Variants in BCKDHB observed in about 807,000 individuals in gnomAD.
The protein encoded by BCKDHB is 2-oxoisovalerate dehydrogenase subunit beta, mitochondrial.
In BCKDHB, 41 loss-of-function variants were observed where a neutral mutation model predicts 48.5. The ratio of observed to expected loss-of-function variants is 0.85; its 90% CI spans 0.66 to 1.10. BCKDHB has a LOEUF of 1.10. Among genes scored for constraint, BCKDHB ranks in the 50% least tolerant of loss-of-function variants. The pLI is 0.00. For synonymous variants in BCKDHB, 201 were observed against 174.8 expected, an observed-to-expected ratio of 1.15 and a Z score of -1.18; for missense variants, 496 against 494.2, an observed-to-expected ratio of 1.00 and a Z score of -0.03.
chr6:80,312,686 A>G (rs1768230254), intron 9 of BCKDHB, among the ~76,000 whole-genome samples: 1 of 152,194 alleles, frequency 6.6e-6, no homozygotes, highest in South Asian at 2.1e-4. Flanking sequence ...TATTGAGATA[A>G]TCATGTGGTT....
intron 8 of BCKDHB, among the ~76,000 whole-genome samples, chr6:80,256,074 G>T (rs770889053): frequency 1.3e-5 from 2 of 152,050 alleles, no homozygotes; most frequent in African/African-American, 2.4e-5. Context: ...TCTTTGGATC[G>T]TCAAAGTAGT....
intron 1 of BCKDHB, among the ~76,000 whole-genome samples, chr6:80,125,178 T>G (rs888936915): frequency 6.6e-6 from 1 of 152,194 alleles, no homozygotes; most frequent in Admixed American, 6.6e-5. Flanking sequence ...TGCCGTTTTA[T>G]GTACTGAGAT....
chr6:80,157,573 C>G (rs926558061), intron 3 of BCKDHB, among the ~76,000 whole-genome samples: 1 of 146,778 alleles, frequency 6.8e-6, no homozygotes, highest in East Asian at 2.1e-4. Flanking sequence ...TCAAGCAGTT[C>G]TCCTGCCTCA....
intron 6 of BCKDHB, among the ~76,000 whole-genome samples, chr6:80,187,865 A>T (rs527615056): frequency 4.6e-5 from 7 of 152,336 alleles, no homozygotes; most frequent in Admixed American, 1.3e-4. Flanking sequence ...GGGAACATTT[A>T]TACACTGCTG....
intron 2 of BCKDHB, 31 bp downstream of exon 2, chr6:80,127,655 G>C: frequency 1.3e-6 from 2 of 1,562,966 alleles, no homozygotes; most frequent in Non-Finnish European, 1.8e-6. Flanking sequence ...AATTGTGGTA[G>C]CTGTGTTAAT....
chr6:80,460,185 A>G, the BCKDHB span, among the ~76,000 whole-genome samples: 1 of 152,198 alleles, frequency 6.6e-6, no homozygotes, highest in Non-Finnish European at 1.5e-5. Context: ...TTTCTGGAAA[A>G]AACAAATTTT....
the BCKDHB span, among the ~76,000 whole-genome samples, chr6:80,401,854 T>C: frequency 1.3e-4 from 20 of 151,890 alleles, no homozygotes; most frequent in African/African-American, 4.3e-4. Context: ...GTCTGGCTTA[T>C]TTCACTTAAC....
At chr6:80,413,803 A>G in the BCKDHB span, among the ~76,000 whole-genome samples, 1 of 152,150 alleles carries the variant, frequency 6.6e-6, no homozygotes, top group Non-Finnish European at 1.5e-5. Context: ...ATATTCCTTG[A>G]GAGTATATAC....
chr6:80,295,874 G>A (rs758762037), intron 9 of BCKDHB, among the ~76,000 whole-genome samples: 3 of 152,028 alleles, frequency 2.0e-5, no homozygotes, highest in East Asian at 1.9e-4. Context: ...CCTATGACAC[G>A]TGGGAATTAT....
intron 8 of BCKDHB, among the ~76,000 whole-genome samples, chr6:80,211,571 A>T (rs1050693719): frequency 6.6e-6 from 1 of 152,132 alleles, no homozygotes; most frequent in African/African-American, 2.4e-5. Flanking sequence ...GTGATTTCCC[A>T]TTGAGAGAGA....
downstream of BCKDHB, among the ~76,000 whole-genome samples, chr6:80,349,923 A>G (rs1324956647): frequency 6.6e-6 from 1 of 152,204 alleles, no homozygotes; most frequent in Non-Finnish European, 1.5e-5. Flanking sequence ...GAATAGAATC[A>G]ATAGAAATAT....
At chr6:80,374,234 CAG>C in the BCKDHB span, 1 of 746,282 alleles carries the variant, frequency 1.3e-6, no homozygotes, top group East Asian at 2.6e-5. Flanking sequence ...GCTCAATGGC[CAG>C]AGAGTCTACA....
the BCKDHB span, among the ~76,000 whole-genome samples, chr6:80,450,604 A>T: frequency 6.6e-6 from 1 of 152,174 alleles, no homozygotes; most frequent in East Asian, 1.9e-4. Flanking sequence ...GTTAATCGGA[A>T]GCCAATATGG....
chr6:80,323,737 A>G (rs1341845227), intron 9 of BCKDHB, among the ~76,000 whole-genome samples: 4 of 151,972 alleles, frequency 2.6e-5, no homozygotes, highest in Admixed American at 6.5e-5. Flanking sequence ...CTCCTTTTCA[A>G]TTTTTCCAAC....
chr6:80,191,485 T>G (rs1773891647), intron 6 of BCKDHB, among the ~76,000 whole-genome samples: 1 of 152,118 alleles, frequency 6.6e-6, no homozygotes, highest in Non-Finnish European at 1.5e-5. Context: ...TATATACTAA[T>G]ATTTCAATGA....
intron 8 of BCKDHB, among the ~76,000 whole-genome samples, chr6:80,245,299 G>A (rs1192610565): frequency 6.6e-6 from 1 of 151,356 alleles, no homozygotes; most frequent in Admixed American, 6.6e-5. Context: ...GTTGCTATGG[G>A]AACCCAGGAA....
chr6:80,424,850 C>A, the BCKDHB span, among the ~76,000 whole-genome samples: 1 of 152,238 alleles, frequency 6.6e-6, no homozygotes, highest in South Asian at 2.1e-4. Flanking sequence ...GTTAATGGTG[C>A]CATTGCTAGG....
intron 9 of BCKDHB, among the ~76,000 whole-genome samples, chr6:80,313,016 T>G (rs1768245483): frequency 6.6e-6 from 1 of 152,198 alleles, no homozygotes; most frequent in African/African-American, 2.4e-5. Context: ...CAAGCTCTTC[T>G]TTGTAGCACT....
the BCKDHB span, among the ~76,000 whole-genome samples, chr6:80,459,062 A>G: frequency 6.6e-6 from 1 of 152,144 alleles, no homozygotes; most frequent in African/African-American, 2.4e-5. Flanking sequence ...ACTATAGAAA[A>G]CAGTATGGAG....
Sources: gnomAD v4.1 joint callset for allele counts (sites outside exome capture counted in the v4.1 genomes callset) on GRCh38, gnomAD v4.1.1 for gene constraint, MANE v1.5 for transcripts, NCBI Gene and HGNC (gene_info 2026-07-23, HGNC 2026-07-21) for gene names.